Variants in ZFX observed in about 807,000 individuals in gnomAD.
ZFX encodes zinc finger protein X-linked, also known as zinc finger X-chromosomal protein.
For synonymous variants in ZFX, 196 were observed against 226.8 expected (o/e 0.86, Z 1.22); for missense variants, 362 against 628.3 (o/e 0.58, Z 4.53).
chrX:24,162,055 G>GTA (rs1933396153), intron 3 of ZFX, among the ~76,000 whole-genome samples: 1 of 82,403 alleles, frequency 1.2e-5, no homozygotes, highest in East Asian at 3.8e-4. Flanking sequence ...GTCTAAAAAG[G>GTA]AAAAAAAAAA....
At chrX:24,152,109 G>A (rs1014399949) in intron 2 of ZFX, among the ~76,000 whole-genome samples, 2 of 110,010 alleles carry the variant, frequency 1.8e-5, no homozygotes, top group African/African-American at 6.6e-5. Flanking sequence ...GTTATTTGAC[G>A]AAAATGAGAA....
intron 5 of ZFX, among the ~76,000 whole-genome samples, chrX:24,194,135 G>C (rs1936733670): frequency 9.0e-6 from 1 of 111,526 alleles, no homozygotes; most frequent in Non-Finnish European, 1.9e-5. Context: ...GTTGTAGCTT[G>C]TGTCAGAATT....
At chrX:24,158,144 T>C (rs1400643834) in intron 3 of ZFX, among the ~76,000 whole-genome samples, 1 of 111,666 alleles carries the variant, frequency 9.0e-6, no homozygotes, top group African/African-American at 3.3e-5. Context: ...AGAATGAAAA[T>C]CCTAGATAAT....
At chrX:24,196,698 A>G (rs1936946652) in intron 5 of ZFX, among the ~76,000 whole-genome samples, 1 of 110,834 alleles carries the variant, frequency 9.0e-6, no homozygotes, top group Non-Finnish European at 1.9e-5. Context: ...CCTGGGCTCA[A>G]ACAGTCCTCC....
intron 5 of ZFX, among the ~76,000 whole-genome samples, chrX:24,180,086 A>G (rs986808598): frequency 4.7e-5 from 5 of 106,775 alleles, no homozygotes; most frequent in South Asian, 4.3e-4. Context: ...ACAAAAATTA[A>G]CCGGGTGTGG....
At chrX:24,175,663 C>G (rs1935058407) in intron 4 of ZFX, among the ~76,000 whole-genome samples, 1 of 111,305 alleles carries the variant, frequency 9.0e-6, no homozygotes, top group Non-Finnish European at 1.9e-5. Context: ...ACTGCAACCT[C>G]CACCTCCCTG....
intron 4 of ZFX, among the ~76,000 whole-genome samples, chrX:24,174,720 A>G (rs1405844017): frequency 9.2e-6 from 1 of 109,160 alleles, no homozygotes; most frequent in East Asian, 2.8e-4. Flanking sequence ...TTATTATTTT[A>G]TTTTTCTTTT....
chrX:24,171,795 C>T (rs1377501092), intron 3 of ZFX, among the ~76,000 whole-genome samples: 1 of 110,049 alleles, frequency 9.1e-6, no homozygotes, highest in South Asian at 3.8e-4. Context: ...ACAGCTGTCT[C>T]CCCTCCCTGC....
chrX:24,177,079 C>G (rs1407292935), intron 4 of ZFX, among the ~76,000 whole-genome samples: 1 of 110,570 alleles, frequency 9.0e-6, no homozygotes, highest in African/African-American at 3.3e-5. Context: ...ACCACAGGCA[C>G]GTGCCACCAC....
intron 5 of ZFX, among the ~76,000 whole-genome samples, chrX:24,197,804 T>C (rs1188580880): frequency 1.8e-5 from 2 of 112,153 alleles, no homozygotes; most frequent in Non-Finnish European, 3.8e-5. Context: ...AGTGGAACAA[T>C]GTCTGCAAAG....
chrX:24,187,041 A>G (rs1180076804), intron 5 of ZFX, among the ~76,000 whole-genome samples: 1 of 112,232 alleles, frequency 8.9e-6, no homozygotes, highest in Non-Finnish European at 1.9e-5. Flanking sequence ...AAAATAGGTA[A>G]TAGTAAATCT....
At chrX:24,153,895 A>C (rs970511440) in intron 3 of ZFX, among the ~76,000 whole-genome samples, 5 of 108,226 alleles carry the variant, frequency 4.6e-5, no homozygotes, top group Non-Finnish European at 7.5e-5. Context: ...AAAATCAGGT[A>C]TCCAGTCAGT....
At chrX:24,149,428 G>A (rs1453428571), upstream of ZFX, 2 of 110,958 alleles carry the variant, frequency 1.8e-5, no homozygotes, top group Admixed American at 9.4e-5. Context: ...GAGCGCGGAG[G>A]AGGTGGAAAG....
intron 4 of ZFX, chrX:24,173,706 G>A (rs1404417214): frequency 7.2e-6 from 4 of 558,444 alleles, no homozygotes; most frequent in Admixed American, 2.9e-5. Context: ...TCAGCTTCCC[G>A]AGTAACTGGG....
intron 4 of ZFX, chrX:24,175,379 C>T (rs1935029590): frequency 9.0e-6 from 1 of 111,667 alleles, no homozygotes; most frequent in African/African-American, 3.3e-5. Context: ...AATGAAACCT[C>T]TCATTACAGT....
At chrX:24,199,092 C>CA (rs1402483331) in intron 5 of ZFX, among the ~76,000 whole-genome samples, 1 of 110,781 alleles carries the variant, frequency 9.0e-6, no homozygotes, top group Non-Finnish European at 1.9e-5. Context: ...GAGAGGAAAC[C>CA]AAGAGGTTGG....
intron 3 of ZFX, among the ~76,000 whole-genome samples, chrX:24,156,574 AT>A (rs1457277744): frequency 9.2e-6 from 1 of 108,925 alleles, no homozygotes; most frequent in Non-Finnish European, 1.9e-5. Flanking sequence ...ATTCCCACAT[AT>A]GTATCTGTTT....
chrX:24,183,059 T>G lies in ZFX; in HGVS notation c.646+3289T>G, dbSNP rs57915158. 9.3e-3 allele frequency among the ~76,000 whole-genome samples: 1,045 copies of G among 112,262 alleles called. 11 individuals are homozygous for G. The highest frequency in any genetic ancestry group is 0.032 in the African/African-American group (975 of 30,931). Reference sequence around the variant, plus strand: ...GGACTGCAGAGGCTGGGTGGAAAGCTGAAGGATAATGGCAAAGGGTTGAAA... The same window carrying G: ...GGACTGCAGAGGCTGGGTGGAAAGCGGAAGGATAATGGCAAAGGGTTGAAA... On this transcript the variant is annotated intron_variant, in intron 5 of 9. Coordinates refer to ENST00000304543, the MANE Select transcript of ZFX (RefSeq NM_003410.4).
At chrX:24,154,359 A>G (rs940268627) in intron 3 of ZFX, among the ~76,000 whole-genome samples, 1 of 111,782 alleles carries the variant, frequency 8.9e-6, no homozygotes, top group Non-Finnish European at 1.9e-5. Flanking sequence ...ATATGTATGT[A>G]CCAAAACAAT....
Sources: allele counts gnomAD v4.1 joint callset (sites outside exome capture counted in the v4.1 genomes callset), GRCh38; gene constraint gnomAD v4.1.1; transcripts MANE v1.5; gene names NCBI Gene and HGNC (gene_info 2026-07-23, HGNC 2026-07-21).